The following FSTL5 variants were observed in gnomAD, a reference collection of about 807,000 sequenced individuals.
The protein encoded by FSTL5 is follistatin like 5.
Under a neutral mutation model 89.1 loss-of-function variants are expected in FSTL5, and 62 were observed. The observed-to-expected ratio is 0.70, with a 90% CI of 0.57 to 0.86. The LOEUF is 0.86. Among genes scored for constraint, FSTL5 ranks in the 40% least tolerant of loss-of-function variants. The pLI, the probability that FSTL5 is intolerant of heterozygous loss-of-function variation, is 0.00. For synonymous variants in FSTL5, 383 were observed against 346.2 expected, an observed-to-expected ratio of 1.11 and a Z score of -1.18; for missense variants, 1,057 against 1,001.6, an observed-to-expected ratio of 1.06 and a Z score of -0.75.
intron 3 of FSTL5, among the ~76,000 whole-genome samples, chr4:161,993,964 G>C (rs1736213356): frequency 6.6e-6 from 1 of 152,000 alleles, no homozygotes; most frequent in Admixed American, 6.6e-5. Flanking sequence ...CGTGTCATGG[G>C]GGTTTGTTGT....
intron 10 of FSTL5, among the ~76,000 whole-genome samples, chr4:161,524,629 G>A (rs1731148856): frequency 6.6e-6 from 1 of 151,870 alleles, no homozygotes; most frequent in South Asian, 2.1e-4. Context: ...TTTTTATGAT[G>A]ATATATTACA....
At chr4:162,008,700 G>A (rs1473504248) in intron 3 of FSTL5, among the ~76,000 whole-genome samples, 1 of 151,744 alleles carries the variant, frequency 6.6e-6, no homozygotes, top group Non-Finnish European at 1.5e-5. Context: ...AAAACACAAT[G>A]AACTAGATAA....
chr4:161,865,985 G>T (rs77259689), intron 4 of FSTL5, among the ~76,000 whole-genome samples: 6,011 of 152,228 alleles, frequency 0.039, 188 homozygotes, highest in East Asian at 0.15. Context: ...AAAAGAGGGG[G>T]CAGAACTGCT....
chr4:161,712,884 C>G (rs1328357745), intron 6 of FSTL5, among the ~76,000 whole-genome samples: 2 of 152,136 alleles, frequency 1.3e-5, no homozygotes, highest in Non-Finnish European at 2.9e-5. Context: ...ACTGTTTCCT[C>G]CTTTGCCTTC....
chr4:161,875,675 T>C (rs1455124797), intron 4 of FSTL5, among the ~76,000 whole-genome samples: 2 of 152,208 alleles, frequency 1.3e-5, no homozygotes, highest in Non-Finnish European at 2.9e-5. Flanking sequence ...CATTCTTTCT[T>C]TGCTTTCCTG....
intron 10 of FSTL5, among the ~76,000 whole-genome samples, chr4:161,516,578 ATTT>A (rs1328132787): frequency 2.0e-4 from 1 of 4,928 alleles, no homozygotes; most frequent in East Asian, 5.9e-3. Context: ...TAAATTATAT[ATTT>A]TATATAATAA....
chr4:161,535,184 C>T (rs1288906247), intron 10 of FSTL5, among the ~76,000 whole-genome samples: 1 of 151,948 alleles, frequency 6.6e-6, no homozygotes, highest in African/African-American at 2.4e-5. Flanking sequence ...TGGCTAAGTC[C>T]TCAAAAGCAA....
At chr4:162,059,808 G>A (rs895220524) in intron 2 of FSTL5, among the ~76,000 whole-genome samples, 5 of 152,114 alleles carry the variant, frequency 3.3e-5, no homozygotes, top group African/African-American at 4.8e-5. Flanking sequence ...GGAAAAGATG[G>A]ACTGCAAAGA....
chr4:161,775,997 G>C lies in FSTL5; in HGVS notation c.487C>G (p.Gln163Glu), dbSNP rs200762823. Reference sequence around the variant, plus strand: ...TCGCCATTAGGATTTTCATTTTCTTGCATAATATATTTTTGATTTTGTAAA... The same window carrying C: ...TCGCCATTAGGATTTTCATTTTCTTCCATAATATATTTTTGATTTTGTAAA... ...LDLQNQKYIMQENENPNGDDI... is the reference protein window; with the variant it reads ...LDLQNQKYIMEENENPNGDDI... Residue 163 changes from glutamine (Q) to glutamate (E), a missense_variant, in exon 5 of 16, where the codon CAA becomes GAA. By Grantham distance (29) the Gln-to-Glu change is conservative. This residue lies in a region of FSTL5 where 980 missense variants were observed against 903.2 expected (regional missense o/e 1.08). Coordinates refer to ENST00000306100, the MANE Select transcript of FSTL5 (RefSeq NM_020116.5). 8.8e-5 allele frequency: 140 copies of C among 1,594,796 alleles called. No homozygotes were observed. Among genetic ancestry groups the C allele is most frequent in the Non-Finnish European group, 1.0e-4 (119 of 1,166,356 alleles).
At chr4:162,029,265 T>C (rs1296302629) in intron 3 of FSTL5, among the ~76,000 whole-genome samples, 2 of 151,984 alleles carry the variant, frequency 1.3e-5, no homozygotes, top group African/African-American at 2.4e-5. Context: ...TTAGATATAG[T>C]CTTAACATAA....
chr4:161,740,468 T>C lies in FSTL5; in HGVS notation c.727+18943A>G, dbSNP rs541318277. 2.6e-5 allele frequency among the ~76,000 whole-genome samples: 4 copies of C among 151,186 alleles called. No individual in the cohort carries two copies. In the South Asian group the frequency reaches 8.4e-4, roughly 32 times the overall value. ...TGACCCCATTTCAACCCCCATATTATAAAAGAAAAAAAAAAGCAAGTCCAA... is the reference window on the plus strand; with the variant it reads ...TGACCCCATTTCAACCCCCATATTACAAAAGAAAAAAAAAAGCAAGTCCAA... On this transcript the variant is annotated intron_variant, in intron 6 of 15. Coordinates refer to ENST00000306100, the MANE Select transcript of FSTL5 (RefSeq NM_020116.5).
intron 1 of FSTL5, among the ~76,000 whole-genome samples, chr4:162,117,615 A>T (rs1433592387): frequency 6.6e-6 from 1 of 152,190 alleles, no homozygotes; most frequent in Non-Finnish European, 1.5e-5. Flanking sequence ...GAAAATAAGA[A>T]TACTGAAATG....
intron 4 of FSTL5, among the ~76,000 whole-genome samples, chr4:161,845,010 T>C (rs760519579): frequency 1.3e-5 from 2 of 152,184 alleles, no homozygotes; most frequent in African/African-American, 2.4e-5. Context: ...GATAATAGTG[T>C]ACTTGGGAAG....
At chr4:161,944,666 T>G (rs1486130957) in intron 3 of FSTL5, among the ~76,000 whole-genome samples, 1 of 151,830 alleles carries the variant, frequency 6.6e-6, no homozygotes, top group Non-Finnish European at 1.5e-5. Flanking sequence ...CTCAATATCT[T>G]TATCACAGTA....
chr4:162,005,366 T>C (rs1464406346), intron 3 of FSTL5, among the ~76,000 whole-genome samples: 1 of 152,190 alleles, frequency 6.6e-6, no homozygotes, highest in Non-Finnish European at 1.5e-5. Flanking sequence ...TGCTAAACTA[T>C]ACTTTCAATG....
chr4:161,973,973 CAGAG>C (rs1379741754), intron 3 of FSTL5, among the ~76,000 whole-genome samples: 1 of 152,030 alleles, frequency 6.6e-6, no homozygotes, highest in African/African-American at 2.4e-5. Context: ...AACAGACAAA[CAGAG>C]AGCCAAATCA....
chr4:161,926,601 G>C (rs543365682), intron 3 of FSTL5, among the ~76,000 whole-genome samples: 3 of 151,692 alleles, frequency 2.0e-5, no homozygotes, highest in Non-Finnish European at 4.4e-5. Flanking sequence ...TATGGCAACA[G>C]TTATTTCTTA....
chr4:161,834,921 A>G (rs1193328763), intron 4 of FSTL5, among the ~76,000 whole-genome samples: 1 of 150,750 alleles, frequency 6.6e-6, no homozygotes, highest in East Asian at 1.9e-4. Flanking sequence ...CAAGCTACCA[A>G]TGACTTTCTT....
chr4:161,739,999 T>C (rs1739955479), intron 6 of FSTL5, among the ~76,000 whole-genome samples: 2 of 139,966 alleles, frequency 1.4e-5, no homozygotes, highest in South Asian at 4.5e-4. Context: ...ATAGTATCTA[T>C]TTATTTATTT....
Sources: gnomAD v4.1 joint callset for allele counts (sites outside exome capture counted in the v4.1 genomes callset) on GRCh38, gnomAD v4.1.1 for gene constraint, gnomAD v4.1.1 regional missense constraint, MANE v1.5 for transcripts, NCBI Gene and HGNC (gene_info 2026-07-23, HGNC 2026-07-21) for gene names.